TRHDE: variants seen among roughly 807,000 people sequenced by gnomAD.
TRHDE encodes the protein thyrotropin releasing hormone degrading enzyme, also known as thyrotropin-releasing hormone-degrading ectoenzyme.
TRHDE carries 72 observed loss-of-function variants against 125.7 expected under a neutral mutation model. That is an observed-to-expected ratio of 0.57 (90% CI 0.47 to 0.70). The LOEUF is 0.70. TRHDE is among the 30% of genes least tolerant of loss of function. The probability of loss-of-function intolerance (pLI) is 0.00; values close to 1 mark genes in which losing one functional copy is unlikely to be tolerated. For missense variants in TRHDE, 1,110 were observed against 1,327.1 expected (o/e 0.84, Z 2.54); for synonymous variants, 509 against 509.1 (o/e 1.00, Z 0.00).
intron 2 of TRHDE, among the ~76,000 whole-genome samples, chr12:72,234,000 T>G (rs898991746): frequency 1.3e-5 from 2 of 152,238 alleles, no homozygotes; most frequent in African/African-American, 4.8e-5. Context: ...GAACTACTTG[T>G]ACATAACAGG....
chr12:72,158,791 A>G (rs1054456408), intron 2 of TRHDE, among the ~76,000 whole-genome samples: 6 of 152,172 alleles, frequency 3.9e-5, no homozygotes, highest in Non-Finnish European at 8.8e-5. Context: ...CTTATATCTT[A>G]TAGCATTTTC....
At chr12:72,250,104 A>G (rs963155264) in intron 2 of TRHDE, among the ~76,000 whole-genome samples, 22 of 152,208 alleles carry the variant, frequency 1.4e-4, no homozygotes, top group African/African-American at 5.3e-4. Context: ...AGACAAAACT[A>G]TAGTGATAAA....
At chr12:72,544,362 G>C (rs1204148835) in intron 7 of TRHDE, among the ~76,000 whole-genome samples, 1 of 151,428 alleles carries the variant, frequency 6.6e-6, no homozygotes, top group African/African-American at 2.4e-5. Flanking sequence ...GGGAGTCTTG[G>C]TTTACAAGTT....
At chr12:72,360,590 G>A (rs1331233566) in intron 2 of TRHDE, among the ~76,000 whole-genome samples, 2 of 151,722 alleles carry the variant, frequency 1.3e-5, no homozygotes, top group Admixed American at 6.6e-5. Flanking sequence ...TAGAATTTTG[G>A]TGAGGATGTG....
chr12:72,106,802 A>G (rs1319928328), intron 2 of TRHDE, among the ~76,000 whole-genome samples: 1 of 152,076 alleles, frequency 6.6e-6, no homozygotes, highest in Non-Finnish European at 1.5e-5. Flanking sequence ...GCCATATACT[A>G]TTCTAGGTGG....
chr12:72,244,488 T>C (rs751325433), intron 2 of TRHDE, among the ~76,000 whole-genome samples: 5 of 152,116 alleles, frequency 3.3e-5, no homozygotes, highest in Non-Finnish European at 7.4e-5. Flanking sequence ...AAAAGTACCA[T>C]CATTTCAATA....
chr12:72,180,397 A>G (rs1007226695), intron 2 of TRHDE, among the ~76,000 whole-genome samples: 1 of 152,126 alleles, frequency 6.6e-6, no homozygotes, highest in Non-Finnish European at 1.5e-5. Flanking sequence ...TGGTAATACT[A>G]TGTCCCTATT....
At chr12:72,262,808 T>C (rs893493990) in intron 2 of TRHDE, 4 of 152,152 alleles carry the variant, frequency 2.6e-5, no homozygotes, top group Admixed American at 6.6e-5. Flanking sequence ...TCATGAAGTT[T>C]ACCTAGTTGG....
intron 2 of TRHDE, among the ~76,000 whole-genome samples, chr12:72,227,863 C>T (rs1280343410): frequency 6.6e-6 from 1 of 152,180 alleles, no homozygotes; most frequent in Non-Finnish European, 1.5e-5. Context: ...GTAGTCAAAT[C>T]TTAAAGCTCC....
intron 1 of TRHDE, among the ~76,000 whole-genome samples, chr12:72,281,173 C>T (rs1312295722): frequency 6.6e-6 from 1 of 152,044 alleles, no homozygotes; most frequent in African/African-American, 2.4e-5. Context: ...TTTTAGTTTA[C>T]TCCAATGGTT....
intron 3 of TRHDE, among the ~76,000 whole-genome samples, chr12:72,466,807 C>T (rs1876397189): frequency 6.6e-6 from 1 of 152,152 alleles, no homozygotes; most frequent in African/African-American, 2.4e-5. Context: ...CTGCCTTGAC[C>T]ACACCACACC....
chr12:72,166,110 C>G (rs1421652761), intron 2 of TRHDE, among the ~76,000 whole-genome samples: 2 of 152,148 alleles, frequency 1.3e-5, no homozygotes, highest in African/African-American at 2.4e-5. Flanking sequence ...GGCTACAAAC[C>G]CGTACAGTGC....
At chr12:72,295,159 G>T (rs1880243350) in intron 2 of TRHDE, among the ~76,000 whole-genome samples, 1 of 142,608 alleles carries the variant, frequency 7.0e-6, no homozygotes, top group Non-Finnish European at 1.5e-5. Flanking sequence ...TGGTTGGGGG[G>T]TGGGAGGGGT....
intron 3 of TRHDE, among the ~76,000 whole-genome samples, chr12:72,400,450 C>T (rs1033634744): frequency 1.3e-5 from 2 of 152,098 alleles, no homozygotes; most frequent in Non-Finnish European, 2.9e-5. Context: ...TACATACTGA[C>T]AAATAAAAAT....
intron 10 of TRHDE, among the ~76,000 whole-genome samples, chr12:72,571,328 T>A (rs191812458): frequency 2.6e-5 from 4 of 152,198 alleles, no homozygotes; most frequent in African/African-American, 9.6e-5. Flanking sequence ...TATTTAATTA[T>A]AACAATCAGG....
intron 2 of TRHDE, among the ~76,000 whole-genome samples, chr12:72,363,605 C>T: frequency 6.6e-6 from 1 of 151,996 alleles, no homozygotes; most frequent in Non-Finnish European, 1.5e-5. Context: ...AAATTAGGTA[C>T]TGATGGGACA....
intron 1 of TRHDE, among the ~76,000 whole-genome samples, chr12:72,276,040 G>T (rs891732899): frequency 6.6e-6 from 1 of 151,814 alleles, no homozygotes; most frequent in African/African-American, 2.4e-5. Flanking sequence ...GAGTTGATAA[G>T]ACAAAAGAAA....
At chr12:72,236,457 C>T (rs1019659909) in intron 2 of TRHDE, among the ~76,000 whole-genome samples, 10 of 149,778 alleles carry the variant, frequency 6.7e-5, no homozygotes, top group Non-Finnish European at 1.2e-4. Flanking sequence ...AGTTTTCAAT[C>T]ATTATTTATG....
chr12:72,505,122 G>A (rs922912960), intron 6 of TRHDE, among the ~76,000 whole-genome samples: 4 of 152,148 alleles, frequency 2.6e-5, no homozygotes, highest in Non-Finnish European at 5.9e-5. Context: ...TTGAATTTAA[G>A]AGCTGACTGC....
Sources: allele counts gnomAD v4.1 joint callset (sites outside exome capture counted in the v4.1 genomes callset), GRCh38; gene constraint gnomAD v4.1.1; transcripts MANE v1.5; gene names NCBI Gene and HGNC (gene_info 2026-07-23, HGNC 2026-07-21).